Variants in EXD3 observed in about 807,000 individuals in gnomAD.
EXD3 encodes the protein exonuclease 3'-5' domain containing 3, also known as exonuclease mut-7 homolog.
A neutral mutation model predicts 98.0 loss-of-function variants in EXD3; 92 were observed. The observed-to-expected ratio is 0.94, with a 90% CI of 0.79 to 1.12. The LOEUF is 1.12. Ranked by LOEUF, EXD3 falls within the 50% of genes most tolerant of loss-of-function variation. EXD3 has a pLI of 0.00. For missense variants in EXD3, 1,222 were observed against 1,191.6 expected (o/e 1.03, Z -0.38); for synonymous variants, 569 against 526.0 (o/e 1.08, Z -1.12).
rs992313769 is a variant in EXD3 at position 137,395,733 on chromosome 9, A to AC, written c.-47-330dup. Among the ~76,000 whole-genome samples, 4 of 151,530 alleles carry AC rather than the reference A, an allele frequency of 2.6e-5. No homozygotes were observed. The highest frequency in any genetic ancestry group is 7.3e-5 in the African/African-American group (3 of 41,192). ...GGGGCCTGTTCTTGAGGACAGCGTG[A>AC]CCCCCCTTGCCATGTCCCCCTCAGG... On this transcript the variant is annotated intron_variant, in intron 1 of 21. Transcript: ENST00000340951. This position sits in a 1 kb window ranked among gnomAD's most constrained non-coding sequence, Gnocchi z 6.5.
chr9:137,369,419 G>A (rs1477848886), intron 5 of EXD3, among the ~76,000 whole-genome samples: 1 of 152,190 alleles, frequency 6.6e-6, no homozygotes, highest in Admixed American at 6.5e-5. Flanking sequence ...CCGCAGGGTG[G>A]TCACAACCCG....
chr9:137,381,480 G>A (rs1836269655), intron 3 of EXD3, among the ~76,000 whole-genome samples: 1 of 150,276 alleles, frequency 6.7e-6, no homozygotes, highest in Admixed American at 6.6e-5. Context: ...CAGTGGGGCT[G>A]GGAAGGGCCC....
chr9:137,349,569 C>T lies in EXD3; in HGVS notation c.1495-38G>A, dbSNP rs1436925800. 1.3e-6 allele frequency: 2 copies of T among 1,507,894 alleles called. No homozygotes were observed. Among genetic ancestry groups the T allele is most frequent in the Admixed American group, 2.1e-5 (1 of 48,144 alleles). The allele number at this position is 1,507,894 out of a possible 1,614,324, so 93.4% of individuals were successfully genotyped here. A position where few individuals can be genotyped will look rare whatever the true frequency, so the allele number is the denominator to read the frequency against. On this transcript the variant is annotated intron_variant, in intron 14 of 21. Coordinates refer to ENST00000340951, the MANE Select transcript of EXD3 (RefSeq NM_017820.5). The surrounding 1 kb of genome is among the most constrained non-coding windows in gnomAD (Gnocchi z 7.4). ...TGCCCTGCAGGGTAACGCGTCTGGC[C>T]CTGGCGGCAGCACAGTCACCGTGCC...
intron 2 of EXD3, among the ~76,000 whole-genome samples, chr9:137,391,429 A>C (rs923021588): frequency 6.6e-6 from 1 of 152,202 alleles, no homozygotes; most frequent in Admixed American, 6.5e-5. Flanking sequence ...CCGGGAAGCC[A>C]GGGCAGCCTC....
At chr9:137,350,979 A>T (rs1834266790) in intron 14 of EXD3, 59 bp downstream of exon 14, 4 of 1,466,388 alleles carry the variant, frequency 2.7e-6, no homozygotes, top group Admixed American at 2.0e-5. Context: ...AGGGGCCCCA[A>T]GCAGCCCTCG....
At chr9:137,397,796 A>G (rs1043031235) in intron 1 of EXD3, among the ~76,000 whole-genome samples, 3 of 152,166 alleles carry the variant, frequency 2.0e-5, no homozygotes, top group Non-Finnish European at 4.4e-5. Flanking sequence ...ATTAAAAAGT[A>G]GCCGGGTGTG....
At chr9:137,418,894 C>A (rs960085613) in intron 1 of EXD3, among the ~76,000 whole-genome samples, 2 of 152,074 alleles carry the variant, frequency 1.3e-5, no homozygotes, top group Non-Finnish European at 2.9e-5. Context: ...TTTGGGAAAT[C>A]TCTGAATTAC....
At position 137,324,061 on chromosome 9, in the gene EXD3, C is replaced by A; in HGVS notation, c.2052+29G>T. 3 of 1,568,844 alleles carry A rather than the reference C, an allele frequency of 1.9e-6. No individual in the cohort carries two copies. The highest frequency in any genetic ancestry group is 1.7e-6 in the Non-Finnish European group (2 of 1,156,910). ...GGGGCTTGGGAAGATGGGGCTCAGGCCCACTGAGCTTATCTTTGGGACACT... is the reference window on the plus strand; with the variant it reads ...GGGGCTTGGGAAGATGGGGCTCAGGACCACTGAGCTTATCTTTGGGACACT... On this transcript the variant is annotated intron_variant, in intron 18 of 21. Transcript: ENST00000340951. The surrounding 1 kb of genome is among the most constrained non-coding windows in gnomAD (Gnocchi z 4.1).
At chr9:137,411,471 T>C (rs114093001) in intron 1 of EXD3, among the ~76,000 whole-genome samples, 2,762 of 151,644 alleles carry the variant, frequency 0.018, 74 homozygotes, top group African/African-American at 0.063. Flanking sequence ...ACCAACAGGA[T>C]GTGCAGGGGC....
Position 137,351,137 on chromosome 9 carries a change from C to A in EXD3, c.1395G>T (p.Met465Ile). The change falls in exon 14 of 22, where the codon ATG becomes ATT. Residue 465 changes from methionine to isoleucine, a missense_variant. Coordinates refer to ENST00000340951, the MANE Select transcript of EXD3 (RefSeq NM_017820.5). ...TGCCCAGTTTTTGCAGGTCCCCCAC[C>A]ATCCCGTAGCCTGTGGGCAGGAACC... ...DPSITKLGYG[M>I]VGDLQKLGTS... The A allele has an allele frequency of 6.3e-7, 1 of 1,575,786 alleles. No homozygotes were observed. The highest frequency in any genetic ancestry group is 1.4e-5 in the African/African-American group (1 of 74,070).
At chr9:137,387,956 C>T (rs759318250) in intron 2 of EXD3, among the ~76,000 whole-genome samples, 15 of 152,348 alleles carry the variant, frequency 9.8e-5, no homozygotes, top group Middle Eastern at 3.4e-3. Context: ...AGGTCTAGGA[C>T]GCTGAGACAG....
intron 9 of EXD3, 94 bp from the exon 10 acceptor site, chr9:137,354,471 A>G: frequency 1.3e-6 from 2 of 1,581,154 alleles, no homozygotes; most frequent in South Asian, 2.3e-5. Context: ...GGCAGGGTAC[A>G]TCCTTGGCAG....
Position 137,352,620 on chromosome 9 carries a change from C to A in EXD3, c.1037G>T (p.Arg346Met). 6.5e-7 allele frequency: 1 copy of A among 1,540,598 alleles called. No homozygotes were observed. Among genetic ancestry groups the A allele is most frequent in the South Asian group, 1.2e-5 (1 of 83,358 alleles). Residue 346 changes from arginine to methionine, a missense_variant and splice_region_variant, in exon 11 of 22, where the codon AGG becomes ATG. Physicochemically the swap from Arg to Met is moderately conservative, Grantham distance 91. Transcript: ENST00000340951. ...VELRRFRLQG[R>M]ATEADSRLEV... Reference sequence around the variant, plus strand: ...CTGGGGTCACCCTGGCGGCGCTCACCTCCCCTGGAGCCTGAACCGGCGGAG... The same window carrying A: ...CTGGGGTCACCCTGGCGGCGCTCACATCCCCTGGAGCCTGAACCGGCGGAG...
At chr9:137,312,140 G>A (rs1305337125) in intron 19 of EXD3, among the ~76,000 whole-genome samples, 1 of 152,220 alleles carries the variant, frequency 6.6e-6, no homozygotes, top group East Asian at 1.9e-4. Flanking sequence ...GGTCTGGGCA[G>A]AGACAAGTGG....
At chr9:137,377,838 G>T (rs1481970049) in intron 3 of EXD3, among the ~76,000 whole-genome samples, 1 of 144,076 alleles carries the variant, frequency 6.9e-6, no homozygotes, top group Admixed American at 7.0e-5. Context: ...CTGTCGCCCA[G>T]GCTGGAGTGC....
chr9:137,321,595 A>G (rs1406540456), intron 19 of EXD3, among the ~76,000 whole-genome samples: 1 of 152,096 alleles, frequency 6.6e-6, no homozygotes, highest in African/African-American at 2.4e-5. Context: ...AGGTGGGAGA[A>G]TTGCTTGAAC....
In EXD3 at chr9:137,395,954, TTTTC is replaced by T. The variant is rs201408719; in HGVS notation, c.-47-554_-47-551del. Reference sequence around the variant, plus strand: ...GTCTCCCTCAGAGTGTTTTTTTTTCTTTTCTTTCTTTCTTTCTTTTTTTTTTTTT... The same window carrying T: ...GTCTCCCTCAGAGTGTTTTTTTTTCTTTTCTTTCTTTCTTTTTTTTTTTTT... On this transcript the variant is annotated intron_variant, in intron 1 of 21. Transcript: ENST00000340951. This position sits in a 1 kb window ranked among gnomAD's most constrained non-coding sequence, Gnocchi z 6.5. Among the ~76,000 whole-genome samples the T allele has an allele frequency of 6.9e-4, 103 of 150,280 alleles. No individual in the cohort carries two copies. Among genetic ancestry groups the T allele is most frequent in the East Asian group, 1.4e-3 (7 of 5,140 alleles).
At chr9:137,376,496 A>G (rs1228559650) in intron 3 of EXD3, among the ~76,000 whole-genome samples, 2 of 151,932 alleles carry the variant, frequency 1.3e-5, no homozygotes, top group Non-Finnish European at 2.9e-5. Context: ...AGACAAGTAG[A>G]TTTACGGCCC....
At position 137,324,731 on chromosome 9, in the gene EXD3, C is replaced by T. The variant is rs577699548; in HGVS notation, c.1999-588G>A. Among the ~76,000 whole-genome samples the T allele has an allele frequency of 2.6e-5, 4 of 152,326 alleles. No homozygotes were observed. The highest frequency in any genetic ancestry group is 7.2e-5 in the African/African-American group (3 of 41,568). On this transcript the variant is annotated intron_variant, in intron 17 of 21. Coordinates refer to ENST00000340951, the MANE Select transcript of EXD3 (RefSeq NM_017820.5). The surrounding 1 kb of genome is among the most constrained non-coding windows in gnomAD (Gnocchi z 4.1). The stretch of plus-strand genomic sequence containing the variant: ...TTTTTTAGACGGAGTCTCGCTCTTT[C>T]GCCCAGGCCGGAGTGCAGTGGCGCT...
Sources: gnomAD v4.1 joint callset for allele counts (sites outside exome capture counted in the v4.1 genomes callset) on GRCh38, gnomAD v4.1.1 for gene constraint, Gnocchi (gnomAD v3.1) non-coding constraint, MANE v1.5 for transcripts, NCBI Gene and HGNC (gene_info 2026-07-23, HGNC 2026-07-21) for gene names.